The following ACTN2 variants were observed in gnomAD, a reference collection of about 807,000 sequenced individuals.
The protein encoded by ACTN2 is actinin alpha 2.
ACTN2 carries 39 observed loss-of-function variants against 113.8 expected under a neutral mutation model. The ratio of observed to expected loss-of-function variants is 0.34; its 90% CI spans 0.27 to 0.45. The LOEUF (loss-of-function observed/expected upper bound fraction) is 0.45, where lower values mean the gene tolerates loss of function less well. Ranked by LOEUF, ACTN2 falls within the 20% of genes least tolerant of loss-of-function variation. ACTN2 has a pLI of 1.00. For missense variants in ACTN2, 992 were observed against 1,177.9 expected (o/e 0.84, Z 2.31); for synonymous variants, 429 against 444.1 (o/e 0.97, Z 0.43).
At chr1:236,734,254 GCA>G (rs1270276502) in intron 7 of ACTN2, among the ~76,000 whole-genome samples, 1 of 152,190 alleles carries the variant, frequency 6.6e-6, no homozygotes, top group African/African-American at 2.4e-5. Context: ...TCTCAAAAGT[GCA>G]CAGAGAGTAA....
chr1:236,698,666 A>G (rs558352263), intron 1 of ACTN2, among the ~76,000 whole-genome samples: 111 of 152,300 alleles, frequency 7.3e-4, no homozygotes, highest in African/African-American at 2.6e-3. Context: ...AATTTTTTTC[A>G]GTCTAACACT....
intron 1 of ACTN2, among the ~76,000 whole-genome samples, chr1:236,695,309 C>T (rs1657455705): frequency 2.1e-5 from 3 of 144,618 alleles, no homozygotes; most frequent in South Asian, 2.2e-4. Flanking sequence ...ACCTGGGAGG[C>T]GGCGGCTGCT....
rs748441967 is a variant in ACTN2 at position 236,743,020 on chromosome 1, C to T, written c.1232C>T (p.Ser411Leu). The change falls in exon 11 of 21, where the codon TCA becomes TTA. Residue 411 changes from serine to leucine, a missense_variant. Transcript: ENST00000366578. ...HLAEKFRQKA[S>L]THETWAYGKE... ...GCTGAGAAGTTCAGGCAGAAGGCCT[C>T]AACGCACGAGACTTGGGCTTATGGT... The T allele has an allele frequency of 3.1e-6, 5 of 1,614,106 alleles. No homozygotes were observed. Among genetic ancestry groups the T allele is most frequent in the Non-Finnish European group, 4.2e-6 (5 of 1,180,044 alleles).
chr1:236,743,218 A>G (rs917594353), intron 11 of ACTN2, among the ~76,000 whole-genome samples, 175 bp downstream of exon 11: 3 of 152,150 alleles, frequency 2.0e-5, no homozygotes, highest in Admixed American at 6.5e-5. Context: ...AGGCATGAAA[A>G]TTTAGTTTCT....
At chr1:236,726,102 G>A in intron 5 of ACTN2, 82 bp downstream of exon 5, 2 of 1,267,422 alleles carry the variant, frequency 1.6e-6, no homozygotes, top group Non-Finnish European at 2.3e-6. Context: ...GTGCACCCGT[G>A]TTTTCCTCCT....
At chr1:236,730,344 G>A (rs1050928569) in intron 6 of ACTN2, among the ~76,000 whole-genome samples, 1 of 151,284 alleles carries the variant, frequency 6.6e-6, no homozygotes, top group African/African-American at 2.4e-5. Flanking sequence ...TCTTCATTGA[G>A]CACTGTGAAT....
Position 236,763,096 on chromosome 1 carries a change from G to T in ACTN2, c.*477G>T. On this transcript the variant is annotated 3_prime_UTR_variant, in exon 21 of 21. Coordinates refer to ENST00000366578, the MANE Select transcript of ACTN2 (RefSeq NM_001103.4). ...AGGGGAGTATATTTGGGATTCTAAT[G>T]TTTTATTTTCATGCTTATCCAAAGA... 5.6e-6 allele frequency: 1 copy of T among 177,538 alleles called. No individual in the cohort carries two copies. Among genetic ancestry groups the T allele is most frequent in the Non-Finnish European group, 1.2e-5 (1 of 82,338 alleles). The allele number at this position is 177,538 out of a possible 1,614,324, so 11.0% of individuals were successfully genotyped here.
At position 236,739,465 on chromosome 1, in the gene ACTN2, C is replaced by G; in HGVS notation, c.1040C>G (p.Thr347Arg). 6.2e-7 allele frequency: 1 copy of G among 1,614,200 alleles called. No homozygotes were observed. Among genetic ancestry groups the G allele is most frequent in the South Asian group, 1.1e-5 (1 of 91,072 alleles). Residue 347 changes from threonine to arginine, a missense_variant, in exon 10 of 21, where the codon ACG becomes AGG. By Grantham distance (71) the Thr-to-Arg change is moderately conservative. This residue lies in a region of ACTN2 where 736 missense variants were observed against 815.4 expected (regional missense o/e 0.90). Coordinates refer to ENST00000366578, the MANE Select transcript of ACTN2 (RefSeq NM_001103.4). ...TGCCAGCTGGAGATCAACTTCAACA[C>G]GCTGCAGACCAAGCTGCGGATCAGC... ...EKCQLEINFN[T>R]LQTKLRISNR...
At chr1:236,756,277 CAG>C (rs1659555710) in intron 17 of ACTN2, among the ~76,000 whole-genome samples, 1 of 14,506 alleles carries the variant, frequency 6.9e-5, no homozygotes, top group East Asian at 8.8e-4. Context: ...GTATATACTG[CAG>C]AGTGCCCGCT....
intron 1 of ACTN2, among the ~76,000 whole-genome samples, chr1:236,699,636 G>A (rs752305325): frequency 2.6e-5 from 4 of 152,144 alleles, no homozygotes; most frequent in African/African-American, 9.7e-5. Context: ...TACGGGTGCC[G>A]TGTCTTTATC....
chr1:236,757,349 T>A, intron 17 of ACTN2, 137 bp from the exon 18 acceptor site: 2 of 1,120,794 alleles, frequency 1.8e-6, no homozygotes. Context: ...GTAGAATTTT[T>A]TTTCAAGTGT....
chr1:236,709,255 T>TATATACACACAC (rs796606511), intron 1 of ACTN2, among the ~76,000 whole-genome samples: 81 of 68,872 alleles, frequency 1.2e-3, no homozygotes, highest in South Asian at 1.5e-3. Flanking sequence ...TATATATATA[T>TATATACACACAC]ACACACACAC....
chr1:236,713,462 A>G (rs112795903), intron 1 of ACTN2, among the ~76,000 whole-genome samples: 2,965 of 152,282 alleles, frequency 0.019, 55 homozygotes, highest in Non-Finnish European at 0.028. Flanking sequence ...CCTGATCTCA[A>G]GTGATCCACC....
chr1:236,753,921 C>A, intron 15 of ACTN2, 26 bp from the exon 16 acceptor site: 1 of 1,384,888 alleles, frequency 7.2e-7, no homozygotes, highest in Non-Finnish European at 9.7e-7. Context: ...TGGCCTCTAA[C>A]CCTTGTTGTC....
At chr1:236,744,947 G>C (rs1659183090) in intron 12 of ACTN2, among the ~76,000 whole-genome samples, 171 bp downstream of exon 12, 1 of 152,138 alleles carries the variant, frequency 6.6e-6, no homozygotes, top group South Asian at 2.1e-4. Flanking sequence ...TTGGTTCTTA[G>C]ATTGTGGTAG....
rs377650301 is a variant in ACTN2, at chr1:236,751,584, A to G, written c.1771A>G (p.Ile591Val). 8 of 1,614,076 alleles carry G rather than the reference A, an allele frequency of 5.0e-6. No homozygotes were observed. The highest frequency in any genetic ancestry group is 6.8e-6 in the Non-Finnish European group (8 of 1,179,956). The change falls in exon 15 of 21, where the codon ATC becomes GTC. Residue 591 changes from isoleucine (I) to valine (V), a missense_variant. Ile to Val is a conservative substitution (Grantham distance 29). This residue lies in a region of ACTN2 where 736 missense variants were observed against 815.4 expected (regional missense o/e 0.90). Transcript: ENST00000366578. Reference protein sequence around the residue: ...EVEKVIQSYNIRISSSNPYST... With the variant: ...EVEKVIQSYNVRISSSNPYST... ...GGAGAAGGTGATTCAGAGCTACAAC[A>G]TCAGAATCAGCTCAAGCAACCCGTA...
intron 13 of ACTN2, among the ~76,000 whole-genome samples, chr1:236,748,434 A>G (rs1305667341): frequency 6.6e-6 from 1 of 152,192 alleles, no homozygotes; most frequent in East Asian, 1.9e-4. Flanking sequence ...AAGACCAGAC[A>G]TGTAACAGAG....
At chr1:236,759,634 T>A in intron 18 of ACTN2, 90 bp from the exon 19 acceptor site, 1 of 1,119,808 alleles carries the variant, frequency 8.9e-7, no homozygotes, top group South Asian at 1.2e-5. Flanking sequence ...CTCAAAGTGC[T>A]TCTCTTACCA....
At chr1:236,755,423 C>T (rs1340928628) in intron 17 of ACTN2, among the ~76,000 whole-genome samples, 1 of 152,184 alleles carries the variant, frequency 6.6e-6, no homozygotes. Flanking sequence ...TTATTATTAT[C>T]ACCACCATAA....
Sources: allele counts gnomAD v4.1 joint callset (sites outside exome capture counted in the v4.1 genomes callset), GRCh38; gene constraint gnomAD v4.1.1; regional missense constraint gnomAD v4.1.1; transcripts MANE v1.5; gene names NCBI Gene and HGNC (gene_info 2026-07-23, HGNC 2026-07-21).